GALNT13: variants seen among roughly 807,000 people sequenced by gnomAD.
GALNT13 encodes the protein polypeptide N-acetylgalactosaminyltransferase 13.
In GALNT13, 28 loss-of-function variants were observed where a neutral mutation model predicts 64.2. The ratio of observed to expected loss-of-function variants is 0.44; its 90% CI spans 0.32 to 0.60. The LOEUF is 0.60. GALNT13 is among the 20% of genes least tolerant of loss of function. GALNT13 has a pLI of 0.05. For synonymous variants in GALNT13, 214 were observed against 224.6 expected (o/e 0.95, Z 0.42); for missense variants, 577 against 669.8 (o/e 0.86, Z 1.53).
At chr2:153,768,175 T>G in the GALNT13 span, among the ~76,000 whole-genome samples, 1 of 152,238 alleles carries the variant, frequency 6.6e-6, no homozygotes, top group African/African-American at 2.4e-5. Context: ...AATTTTGAGT[T>G]TTCTGAATTG....
At chr2:154,149,160 C>T (rs1376588104) in intron 4 of GALNT13, among the ~76,000 whole-genome samples, 2 of 152,100 alleles carry the variant, frequency 1.3e-5, no homozygotes, top group African/African-American at 4.8e-5. Context: ...AGCCAGTTTT[C>T]CCAGCACCAT....
the GALNT13 span, among the ~76,000 whole-genome samples, chr2:153,561,665 G>A: frequency 6.6e-6 from 1 of 151,354 alleles, no homozygotes; most frequent in African/African-American, 2.4e-5. Context: ...GTGTGTGTGT[G>A]TGTGGTGTGT....
the GALNT13 span, among the ~76,000 whole-genome samples, chr2:153,464,050 C>T: frequency 1.3e-5 from 2 of 152,016 alleles, no homozygotes; most frequent in Non-Finnish European, 2.9e-5. Flanking sequence ...GTTCTCTGGA[C>T]AAAAGATTGT....
At chr2:153,962,200 T>C (rs1692993598) in intron 3 of GALNT13, among the ~76,000 whole-genome samples, 4 of 152,204 alleles carry the variant, frequency 2.6e-5, no homozygotes, top group African/African-American at 9.6e-5. Flanking sequence ...ATTTTTTCCT[T>C]CAGAACCTGC....
At chr2:153,217,485 C>T in the GALNT13 span, among the ~76,000 whole-genome samples, 1 of 152,010 alleles carries the variant, frequency 6.6e-6, no homozygotes, top group Non-Finnish European at 1.5e-5. Context: ...GATAGTGTCC[C>T]AAAGCTCCTG....
chr2:153,807,967 C>G, the GALNT13 span, among the ~76,000 whole-genome samples: 3 of 152,112 alleles, frequency 2.0e-5, no homozygotes, highest in Admixed American at 1.3e-4. Context: ...AGCTAAGTTA[C>G]TAACCTGAAA....
At chr2:154,411,358 A>G (rs1380588877) in intron 11 of GALNT13, among the ~76,000 whole-genome samples, 2 of 134,700 alleles carry the variant, frequency 1.5e-5, no homozygotes, top group Non-Finnish European at 3.3e-5. Context: ...ACACACACAC[A>G]CAAATGTTTT....
intron 3 of GALNT13, among the ~76,000 whole-genome samples, chr2:154,113,547 G>T (rs908647293): frequency 1.3e-5 from 2 of 152,190 alleles, no homozygotes; most frequent in African/African-American, 4.8e-5. Context: ...TATCTCAACA[G>T]GCCCCACACC....
the GALNT13 span, among the ~76,000 whole-genome samples, chr2:153,126,988 G>A: frequency 1.3e-5 from 2 of 152,100 alleles, no homozygotes; most frequent in African/African-American, 2.4e-5. Context: ...GAGTGCTAAG[G>A]CGGCTGAGAG....
At chr2:153,131,523 G>T in the GALNT13 span, among the ~76,000 whole-genome samples, 1 of 151,928 alleles carries the variant, frequency 6.6e-6, no homozygotes, top group Non-Finnish European at 1.5e-5. Context: ...CCAAAGATGA[G>T]GCTAGTGTTC....
intron 9 of GALNT13, among the ~76,000 whole-genome samples, chr2:154,381,662 G>C (rs192769643): frequency 1.4e-4 from 21 of 152,012 alleles, no homozygotes; most frequent in African/African-American, 5.1e-4. Flanking sequence ...TCCAATGTGG[G>C]TTCTTTCACT....
chr2:154,375,442 A>C (rs1697934072), intron 9 of GALNT13, among the ~76,000 whole-genome samples: 2 of 152,140 alleles, frequency 1.3e-5, no homozygotes, highest in South Asian at 4.1e-4. Context: ...TGCTCATTCC[A>C]GGAGGATCTA....
the GALNT13 span, among the ~76,000 whole-genome samples, chr2:153,118,481 A>G: frequency 6.6e-6 from 1 of 152,136 alleles, no homozygotes; most frequent in African/African-American, 2.4e-5. Flanking sequence ...ATCTTCCCAC[A>G]TTGGGGTACA....
chr2:153,557,733 T>C, the GALNT13 span, among the ~76,000 whole-genome samples: 1 of 152,340 alleles, frequency 6.6e-6, no homozygotes, highest in African/African-American at 2.4e-5. Flanking sequence ...ATAATAAAAT[T>C]TGAACACCTT....
At chr2:153,523,989 C>A in the GALNT13 span, among the ~76,000 whole-genome samples, 1 of 152,006 alleles carries the variant, frequency 6.6e-6, no homozygotes, top group Non-Finnish European at 1.5e-5. Flanking sequence ...TAAACATTTA[C>A]TGGGAATTTT....
chr2:153,154,356 G>A, the GALNT13 span, among the ~76,000 whole-genome samples: 1 of 152,228 alleles, frequency 6.6e-6, no homozygotes, highest in East Asian at 1.9e-4. Flanking sequence ...ATGATTATAA[G>A]TCCTCCCCAG....
chr2:154,143,860 CAAAAAAAAAAAA>C (rs34582475), intron 4 of GALNT13, among the ~76,000 whole-genome samples: 2 of 58,904 alleles, frequency 3.4e-5, no homozygotes, highest in African/African-American at 1.8e-4. Flanking sequence ...GACTCTGTCT[CAAAAAAAAAAAA>C]AAAAAAAAAA....
chr2:153,747,874 T>C, the GALNT13 span, among the ~76,000 whole-genome samples: 1 of 152,274 alleles, frequency 6.6e-6, no homozygotes, highest in Admixed American at 6.5e-5. Context: ...TGTGGCTGAA[T>C]AGTATTCCAT....
At chr2:153,835,220 A>T in the GALNT13 span, among the ~76,000 whole-genome samples, 1 of 152,000 alleles carries the variant, frequency 6.6e-6, no homozygotes, top group Non-Finnish European at 1.5e-5. Context: ...ACCAAGCATA[A>T]AACATTATAG....
Sources: allele counts gnomAD v4.1 joint callset (sites outside exome capture counted in the v4.1 genomes callset), GRCh38; gene constraint gnomAD v4.1.1; transcripts MANE v1.5; gene names NCBI Gene and HGNC (gene_info 2026-07-23, HGNC 2026-07-21).